The following STMND1 variants were observed in gnomAD, a reference collection of about 807,000 sequenced individuals.
STMND1 encodes stathmin domain-containing protein 1.
A neutral mutation model predicts 23.0 loss-of-function variants in STMND1; 17 were observed. That is an observed-to-expected ratio of 0.74 (90% confidence interval 0.51 to 1.11). The LOEUF (loss-of-function observed/expected upper bound fraction) is 1.11. Ranked by LOEUF, STMND1 falls within the 50% of genes least tolerant of loss-of-function variation. The pLI is 0.00. For missense variants in STMND1, 305 were observed against 329.1 expected, an observed-to-expected ratio of 0.93 and a Z score of 0.57; for synonymous variants, 114 against 119.9, an observed-to-expected ratio of 0.95 and a Z score of 0.32.
intron 2 of STMND1, among the ~76,000 whole-genome samples, chr6:17,116,400 C>A (rs1433621374): frequency 2.0e-5 from 3 of 152,134 alleles, no homozygotes; most frequent in African/African-American, 7.2e-5. Flanking sequence ...CAGCCCTTGG[C>A]ATCCTCCTTT....
In STMND1 at chr6:17,128,815, C is replaced by T. The variant is rs1023611830; in HGVS notation, c.412-297C>T. 4.8e-4 allele frequency: 107 copies of T among 222,080 alleles called. 1 individual carries two copies. Among genetic ancestry groups the T allele is most frequent in the Non-Finnish European group, 7.9e-4 (88 of 111,092 alleles). 13.8% of individuals were successfully genotyped at this position (222,080 alleles called of 1,614,324 possible). A position where few individuals can be genotyped will look rare whatever the true frequency, so the allele number is the denominator to read the frequency against. ...GCAACCTCCACCTCCTGGGCTCAAG[C>T]GATCCTCCACCCTCAGCCTCCCAAG... On this transcript the variant is annotated intron_variant, in intron 3 of 4. Transcript: ENST00000536551.
chr6:17,116,498 G>A (rs1202488030), intron 2 of STMND1, among the ~76,000 whole-genome samples: 1 of 151,900 alleles, frequency 6.6e-6, no homozygotes, highest in Non-Finnish European at 1.5e-5. Context: ...GGAGTGCAAT[G>A]GTGCAATCTC....
At chr6:17,118,228 T>A (rs1232324327) in intron 2 of STMND1, among the ~76,000 whole-genome samples, 2 of 152,168 alleles carry the variant, frequency 1.3e-5, no homozygotes, top group African/African-American at 4.8e-5. Flanking sequence ...CTTTTTACAC[T>A]TATGCTTATG....
intron 1 of STMND1, among the ~76,000 whole-genome samples, chr6:17,112,945 C>T (rs565018659): frequency 2.9e-4 from 44 of 152,232 alleles, no homozygotes; most frequent in Non-Finnish European, 5.7e-4. Flanking sequence ...TATTGTGTGT[C>T]GTTTTCATTA....
intron 1 of STMND1, among the ~76,000 whole-genome samples, chr6:17,113,511 ACACCAAG>A (rs1761120600): frequency 6.6e-6 from 1 of 152,224 alleles, no homozygotes; most frequent in Admixed American, 6.5e-5. Flanking sequence ...ATTTACAGTA[ACACCAAG>A]ATTTGTGTTT....
rs185876869 is a variant in STMND1, at chr6:17,125,456, C to A, written c.412-3656C>A. Among the ~76,000 whole-genome samples, 612 of 152,278 alleles carry A rather than the reference C, an allele frequency of 4.0e-3. 7 individuals carry two copies. Among genetic ancestry groups the A allele is most frequent in the African/African-American group, 0.014 (594 of 41,542 alleles). On this transcript the variant is annotated intron_variant, in intron 3 of 4. Coordinates refer to ENST00000536551, the MANE Select transcript of STMND1 (RefSeq NM_001190766.2). ...CTTAGCACATCCTGGGTCTCCCTACCTGAGGCTCTGTGAATTCACTATTGA... is the reference window on the plus strand; with the variant it reads ...CTTAGCACATCCTGGGTCTCCCTACATGAGGCTCTGTGAATTCACTATTGA...
At chr6:17,102,428 G>C in intron 1 of STMND1, 90 bp downstream of exon 1, 2 of 1,473,526 alleles carry the variant, frequency 1.4e-6, no homozygotes, top group Non-Finnish European at 1.8e-6. Flanking sequence ...GGGGCGACAA[G>C]AGTTGGCTGG....
chr6:17,123,532 A>G (rs1338384103), intron 3 of STMND1, among the ~76,000 whole-genome samples: 1 of 152,074 alleles, frequency 6.6e-6, no homozygotes, highest in Non-Finnish European at 1.5e-5. Flanking sequence ...GTGCCTAGGT[A>G]CCACTTCCGA....
At chr6:17,111,958 C>G (rs6459518) in intron 1 of STMND1, among the ~76,000 whole-genome samples, 47,235 of 152,024 alleles carry the variant, frequency 0.31, 7,513 homozygotes, top group Middle Eastern at 0.34. Flanking sequence ...GGGAGTATCC[C>G]GCATGGCCTA....
chr6:17,108,132 G>A (rs999941294), intron 1 of STMND1, among the ~76,000 whole-genome samples: 1 of 152,222 alleles, frequency 6.6e-6, no homozygotes, highest in Non-Finnish European at 1.5e-5. Context: ...CACCAGCAGA[G>A]CTCAAAGGCA....
Position 17,120,612 on chromosome 6 carries a change from G to C in STMND1, c.265G>C (p.Val89Leu). 1 of 1,490,788 alleles carries C rather than the reference G, an allele frequency of 6.7e-7. No homozygotes were observed. Among genetic ancestry groups the C allele is most frequent in the Non-Finnish European group, 8.9e-7 (1 of 1,129,570 alleles). The allele number at this position is 1,490,788 out of a possible 1,614,324, so 92.3% of individuals were successfully genotyped here. Residue 89 changes from valine (V) to leucine (L), a missense_variant, in exon 3 of 5, where the codon GTG becomes CTG. Val to Leu is a conservative substitution (Grantham distance 32). Coordinates refer to ENST00000536551, the MANE Select transcript of STMND1 (RefSeq NM_001190766.2). ...ERNRRVNSDL[V>L]TNGLINKPQS... ...CTTTTCTTCTTTTTTGGAAGACCTA[G>C]TGACCAATGGATTAATCAATAAACC... is the stretch of plus-strand genomic sequence containing the variant.
chr6:17,126,054 ATATATATATATATATATTTTTTT>A (rs1761293333), intron 3 of STMND1, among the ~76,000 whole-genome samples: 1 of 24,102 alleles, frequency 4.1e-5, no homozygotes, highest in Non-Finnish European at 7.4e-5. Flanking sequence ...ATATATATAT[ATATATATATATATATATTTTTTT>A]TTTTTTTTTT....
intron 2 of STMND1, among the ~76,000 whole-genome samples, chr6:17,120,159 T>C (rs1761212717): frequency 2.0e-5 from 3 of 152,250 alleles, no homozygotes; most frequent in African/African-American, 7.2e-5. Flanking sequence ...GTTGCAGAAC[T>C]AGAAGTCTCT....
intron 3 of STMND1, 95 bp downstream of exon 3, chr6:17,120,853 A>C (rs1761223364): frequency 1.0e-6 from 1 of 996,150 alleles, no homozygotes; most frequent in African/African-American, 1.6e-5. Flanking sequence ...TGCAAGTTAC[A>C]ATACAGATAA....
chr6:17,124,220 A>G (rs982347882), intron 3 of STMND1, among the ~76,000 whole-genome samples: 7 of 152,218 alleles, frequency 4.6e-5, no homozygotes, highest in Non-Finnish European at 7.3e-5. Context: ...AGGGAATAAC[A>G]TTCTTTTAAA....
In STMND1 at chr6:17,118,101, A is replaced by T. The variant is rs78636097; in HGVS notation, c.260-2506A>T. ...TTTGCTATGCAAAAGTTTATTTTTA[A>T]TCTAGTAACATTTATAAATGTTTAA... On this transcript the variant is annotated intron_variant, in intron 2 of 4. Coordinates refer to ENST00000536551, the MANE Select transcript of STMND1 (RefSeq NM_001190766.2). 8.9e-4 allele frequency among the ~76,000 whole-genome samples: 135 copies of T among 152,260 alleles called. 2 individuals carry two copies. Among genetic ancestry groups the T allele is most frequent in the African/African-American group, 3.1e-3 (130 of 41,572 alleles).
At position 17,131,026 on chromosome 6, in the gene STMND1, C is replaced by A; in HGVS notation, c.*145C>A. 1.4e-6 allele frequency: 1 copy of A among 739,002 alleles called. No homozygotes were observed. The highest frequency in any genetic ancestry group is 2.1e-6 in the Non-Finnish European group (1 of 483,196). 45.8% of individuals were successfully genotyped at this position (739,002 alleles called of 1,614,324 possible). ...AGGATGATTGTGTGGGCTGCACAGG[C>A]TGAAGGTTAGTTGAGTAAATTAAGT... On this transcript the variant is annotated 3_prime_UTR_variant, in exon 5 of 5. Coordinates refer to ENST00000536551, the MANE Select transcript of STMND1 (RefSeq NM_001190766.2).
intron 1 of STMND1, among the ~76,000 whole-genome samples, chr6:17,105,274 T>C (rs1007364294): frequency 2.0e-5 from 3 of 152,208 alleles, no homozygotes; most frequent in African/African-American, 7.2e-5. Flanking sequence ...TTAAATAAAC[T>C]CAGTATAAGT....
intron 2 of STMND1, among the ~76,000 whole-genome samples, chr6:17,119,858 G>A (rs1414592539): frequency 6.6e-6 from 1 of 152,178 alleles, no homozygotes; most frequent in Non-Finnish European, 1.5e-5. Context: ...AAGCAAAACT[G>A]TCTTTGGCCC....
Sources: allele counts gnomAD v4.1 joint callset (sites outside exome capture counted in the v4.1 genomes callset), GRCh38; gene constraint gnomAD v4.1.1; transcripts MANE v1.5; gene names NCBI Gene and HGNC (gene_info 2026-07-23, HGNC 2026-07-21).